Variants in RNPEPL1 observed in about 807,000 individuals in gnomAD.
RNPEPL1 encodes aminopeptidase RNPEPL1.
RNPEPL1 carries 46 observed loss-of-function variants against 69.0 expected under a neutral mutation model. That is an observed-to-expected ratio of 0.67 (90% CI 0.53 to 0.85). The LOEUF (loss-of-function observed/expected upper bound fraction) is 0.85. Among genes scored for constraint, RNPEPL1 ranks in the 40% least tolerant of loss-of-function variants. The pLI, the probability that RNPEPL1 is intolerant of heterozygous loss-of-function variation, is 0.00. For missense variants in RNPEPL1, 869 were observed against 992.5 expected (o/e 0.88, Z 1.67); for synonymous variants, 525 against 454.1 (o/e 1.16, Z -1.98).
At chr2:240,576,788 G>A in intron 9 of RNPEPL1, 23 bp downstream of exon 9, 2 of 1,612,542 alleles carry the variant, frequency 1.2e-6, no homozygotes, top group Non-Finnish European at 8.5e-7. Context: ...AGCTGATGGG[G>A]GCGGCCCAGG....
chr2:240,570,488 C>T (rs2093018150), intron 1 of RNPEPL1, among the ~76,000 whole-genome samples: 1 of 152,232 alleles, frequency 6.6e-6, no homozygotes, highest in South Asian at 2.1e-4. Flanking sequence ...TATGTGAGCG[C>T]CATGGGGCTG....
At chr2:240,576,179 G>T (rs2953145) in intron 8 of RNPEPL1, 2 of 354,094 alleles carry the variant, frequency 5.6e-6, no homozygotes, top group Admixed American at 8.9e-5. Flanking sequence ...ATCATCTTAA[G>T]AGCCTGTTGC....
chr2:240,568,633 C>G lies in RNPEPL1; in HGVS notation c.47C>G (p.Ala16Gly). The change falls in exon 1 of 11, where the codon GCG becomes GGG. Residue 16 changes from alanine (A) to glycine (G), a missense_variant. Physicochemically the swap from Ala to Gly is moderately conservative, Grantham distance 60. Around this residue, in one of 2 missense-constraint regions of RNPEPL1, gnomAD observed 259 missense variants for 201.5 expected, o/e 1.29. Coordinates refer to ENST00000270357, the MANE Select transcript of RNPEPL1 (RefSeq NM_018226.6). The surrounding 1 kb of genome is among the most constrained non-coding windows in gnomAD (Gnocchi z 6.2). ...CCRQAPGAEA[A>G]PVRPPPEPPP... ...CGCCAGGCGCCCGGCGCCGAGGCCG[C>G]GCCCGTCCGCCCGCCGCCCGAGCCG... 5.0e-6 allele frequency: 5 copies of G among 1,001,636 alleles called. No homozygotes were observed. Among genetic ancestry groups the G allele is most frequent in the Non-Finnish European group, 5.9e-6 (5 of 843,622 alleles). The allele number at this position is 1,001,636 out of a possible 1,614,324, so 62.0% of individuals were successfully genotyped here. A position where few individuals can be genotyped will look rare whatever the true frequency, so the allele number is the denominator to read the frequency against.
rs770293862 is a variant in RNPEPL1 at position 240,577,903 on chromosome 2, G to A, written c.*11G>A. ...AATGTGTCTGCCTAGCCCTGTTGGC[G>A]GGCTGACCCTCGACCTCCCAGACAC... is the stretch of plus-strand genomic sequence containing the variant. On this transcript the variant is annotated 3_prime_UTR_variant, in exon 11 of 11. Transcript: ENST00000270357. 26 of 1,479,770 alleles carry A rather than the reference G, an allele frequency of 1.8e-5. No homozygotes were observed. The highest frequency in any genetic ancestry group is 9.8e-5 in the South Asian group (7 of 71,752). The allele number at this position is 1,479,770 out of a possible 1,614,324, so 91.7% of individuals were successfully genotyped here. A position where few individuals can be genotyped will look rare whatever the true frequency, so the allele number is the denominator to read the frequency against.
rs1192032714 is a variant in RNPEPL1, at chr2:240,568,985, T to C, written c.399T>C (p.Cys133=). 2 of 1,478,370 alleles carry C rather than the reference T, an allele frequency of 1.4e-6. No homozygotes were observed. Among genetic ancestry groups the C allele is most frequent in the Non-Finnish European group, 1.8e-6 (2 of 1,120,164 alleles). 91.6% of individuals were successfully genotyped at this position (1,478,370 alleles called of 1,614,324 possible). Residue 133 remains cysteine, a synonymous_variant, in exon 1 of 11, where the codon TGT becomes TGC. Transcript: ENST00000270357. The surrounding 1 kb of genome is among the most constrained non-coding windows in gnomAD (Gnocchi z 6.2). ...PEAPGSEPAC[C]PLAFRVDPFT... Reference sequence around the variant, plus strand: ...CGCCCGGCTCCGAGCCCGCCTGCTGTCCGCTGGCCTTCAGGGTGGACCCGT... The same window carrying C: ...CGCCCGGCTCCGAGCCCGCCTGCTGCCCGCTGGCCTTCAGGGTGGACCCGT...
At position 240,572,534 on chromosome 2, in the gene RNPEPL1, G is replaced by T; in HGVS notation, c.640G>T (p.Val214Leu). The T allele has an allele frequency of 6.5e-7, 1 of 1,536,256 alleles. No individual in the cohort carries two copies. The highest frequency in any genetic ancestry group is 8.7e-7 in the Non-Finnish European group (1 of 1,146,864). Residue 214 changes from valine to leucine, a missense_variant, in exon 2 of 11, where the codon GTG becomes TTG. Physicochemically the swap from Val to Leu is conservative, Grantham distance 32. Around this residue, in one of 2 missense-constraint regions of RNPEPL1, gnomAD observed 610 missense variants for 790.9 expected, o/e 0.77. Transcript: ENST00000270357. ...CTTCCCGTGCTTCGACACACCTGCC[G>T]TGAAGTGCACCTACTCTGCCGTCGT... Reference protein sequence around the residue: ...SFFPCFDTPAVKCTYSAVVKA... With the variant: ...SFFPCFDTPALKCTYSAVVKA...
chr2:240,574,144 C>A lies in RNPEPL1; in HGVS notation c.970C>A (p.Pro324Thr). 6.2e-7 allele frequency: 1 copy of A among 1,613,312 alleles called. No individual in the cohort carries two copies. Among genetic ancestry groups the A allele is most frequent in the Non-Finnish European group, 8.5e-7 (1 of 1,179,866 alleles). The change falls in exon 5 of 11, where the codon CCC becomes ACC. Residue 324 changes from proline to threonine, a missense_variant. Coordinates refer to ENST00000270357, the MANE Select transcript of RNPEPL1 (RefSeq NM_018226.6). The stretch of plus-strand genomic sequence containing the variant: ...CATTGTCTTCCTGCCACCCTCCTTC[C>A]CCATCGTGGCCATGGAGAACCCCTG... ...YDIVFLPPSF[P>T]IVAMENPCLT...
At chr2:240,573,973 C>T (rs924305146) in intron 4 of RNPEPL1, 82 bp downstream of exon 4, 1 of 1,395,756 alleles carries the variant, frequency 7.2e-7, no homozygotes, top group African/African-American at 1.4e-5. Context: ...CTGGGGTGTC[C>T]TGTCCCCATC....
At position 240,574,333 on chromosome 2, in the gene RNPEPL1, A is replaced by G; in HGVS notation, c.1159A>G (p.Thr387Ala). The G allele has an allele frequency of 6.3e-7, 1 of 1,597,694 alleles. No homozygotes were observed. Among genetic ancestry groups the G allele is most frequent in the Non-Finnish European group, 8.5e-7 (1 of 1,178,098 alleles). The change falls in exon 5 of 11, where the codon ACC (threonine) becomes GCC (alanine). Residue 387 changes from threonine to alanine, a missense_variant. By Grantham distance (58) the Thr-to-Ala change is moderately conservative. Transcript: ENST00000270357. ...GGCCACCTATGCCCAGCGCCGTATC[A>G]CCACCGAGACCTACGGTGCGGCCAG... ...GLATYAQRRI[T>A]TETYGAAFTC...
intron 4 of RNPEPL1, 73 bp downstream of exon 4, chr2:240,573,964 T>TG: frequency 7.0e-7 from 1 of 1,427,452 alleles, no homozygotes; most frequent in Non-Finnish European, 9.6e-7. Context: ...GTCTGACCCC[T>TG]GGGGTGTCCT....
In RNPEPL1 at chr2:240,581,211, A is replaced by G. The variant is rs2093051233; in HGVS notation, c.*3319A>G. On this transcript the variant is annotated 3_prime_UTR_variant, in exon 11 of 11. Transcript: ENST00000270357. ...AAAAATCAGAAAAGGACTTTAGAAC[A>G]CATATAATCAAAATCTCAGACCTAA... The G allele has an allele frequency of 6.6e-6, 1 of 152,278 alleles. No homozygotes were observed. Among genetic ancestry groups the G allele is most frequent in the Non-Finnish European group, 1.5e-5 (1 of 68,050 alleles). The allele number at this position is 152,278 out of a possible 1,614,324, so 9.4% of individuals were successfully genotyped here.
In RNPEPL1 at chr2:240,577,587, C is replaced by G; in HGVS notation, c.1885-12C>G. 6.5e-7 allele frequency: 1 copy of G among 1,545,512 alleles called. No individual in the cohort carries two copies. The highest frequency in any genetic ancestry group is 8.8e-7 in the Non-Finnish European group (1 of 1,137,244). On this transcript the variant is annotated splice_polypyrimidine_tract_variant and intron_variant, in intron 10 of 10. Coordinates refer to ENST00000270357, the MANE Select transcript of RNPEPL1 (RefSeq NM_018226.6). ...GGGAGCCCACCAGTGTGACCGAGTG[C>G]CCCTCCTGCAGATGTCACGCATGTA...
chr2:240,575,114 A>C lies in RNPEPL1; in HGVS notation c.1373A>C (p.Asp458Ala). The change falls in exon 7 of 11, where the codon GAC (aspartate) becomes GCC (alanine). Residue 458 changes from aspartate (D) to alanine (A), a missense_variant. Coordinates refer to ENST00000270357, the MANE Select transcript of RNPEPL1 (RefSeq NM_018226.6). ...TACTACCTGTCCCAGCTCTGCGGAG[A>C]CCCACAGCGCTTTGATGACTTTCTC... ...FVYYLSQLCG[D>A]PQRFDDFLRA... is the part of the protein sequence containing the mutation. The C allele has an allele frequency of 6.2e-7, 1 of 1,613,546 alleles. No homozygotes were observed. Among genetic ancestry groups the C allele is most frequent in the Non-Finnish European group, 8.5e-7 (1 of 1,179,872 alleles).
Position 240,576,684 on chromosome 2 carries a change from G to A in RNPEPL1, c.1660G>A (p.Ala554Thr), listed in dbSNP as rs751018272. ...GGACCAGGCAGCTGCCTCGGCCAGC[G>A]CCATTGACATCTCCAAGTGGAGGAC... ...PLDQAAASAS[A>T]IDISKWRTFQ... The change falls in exon 9 of 11, where the codon GCC (alanine) becomes ACC (threonine). Residue 554 changes from alanine (A) to threonine (T), a missense_variant. Ala to Thr is a moderately conservative substitution (Grantham distance 58). This residue lies in a region of RNPEPL1 where 610 missense variants were observed against 790.9 expected (regional missense o/e 0.77). Coordinates refer to ENST00000270357, the MANE Select transcript of RNPEPL1 (RefSeq NM_018226.6). The A allele has an allele frequency of 1.9e-6, 3 of 1,612,888 alleles. No homozygotes were observed. Among genetic ancestry groups the A allele is most frequent in the Admixed American group, 1.7e-5 (1 of 60,010 alleles).
rs2093013431 is a variant in RNPEPL1 at position 240,569,039 on chromosome 2, C to T, written c.453C>T (p.Val151=). ...CCGACTACGGCTCCTCGCTCACCGT[C>T]ACGCTGCCGCCCGAGCTGCAGGCGC... The part of the protein sequence containing the change: ...PFTDYGSSLT[V]TLPPELQAHQ... Residue 151 remains valine (V), a synonymous_variant, in exon 1 of 11, where the codon GTC becomes GTT. Coordinates refer to ENST00000270357, the MANE Select transcript of RNPEPL1 (RefSeq NM_018226.6). 1.7e-5 allele frequency: 25 copies of T among 1,511,698 alleles called. No homozygotes were observed. The highest frequency in any genetic ancestry group is 2.0e-5 in the Non-Finnish European group (23 of 1,137,452). The allele number at this position is 1,511,698 out of a possible 1,614,324, so 93.6% of individuals were successfully genotyped here.
intron 3 of RNPEPL1, 62 bp downstream of exon 3, chr2:240,573,323 G>A (rs1270671878): frequency 6.7e-6 from 10 of 1,493,134 alleles, no homozygotes; most frequent in African/African-American, 1.4e-5. Flanking sequence ...CCCACCGGGG[G>A]TCTGTGGCCT....
At position 240,572,566 on chromosome 2, in the gene RNPEPL1, C is replaced by A; in HGVS notation, c.669+3C>A. The stretch of plus-strand genomic sequence containing the variant: ...GCACCTACTCTGCCGTCGTCAAGGT[C>A]AGGGGCCGCCAGCTGCCGTCACCTT... On this transcript the variant is annotated splice_donor_region_variant and intron_variant, in intron 2 of 10. Transcript: ENST00000270357. 2 of 1,536,016 alleles carry A rather than the reference C, an allele frequency of 1.3e-6. No homozygotes were observed. Among genetic ancestry groups the A allele is most frequent in the South Asian group, 2.4e-5 (2 of 84,028 alleles).
intron 10 of RNPEPL1, among the ~76,000 whole-genome samples, 189 bp downstream of exon 10, chr2:240,577,179 C>G (rs2093040265): frequency 6.6e-6 from 1 of 152,236 alleles, no homozygotes; most frequent in Non-Finnish European, 1.5e-5. Context: ...GCAGCCTGGA[C>G]TCCACCAGTT....
Position 240,577,974 on chromosome 2 carries a change from G to T in RNPEPL1, c.*82G>T. The T allele has an allele frequency of 7.4e-7, 1 of 1,350,948 alleles. No individual in the cohort carries two copies. The highest frequency in any genetic ancestry group is 9.7e-7 in the Non-Finnish European group (1 of 1,025,854). 83.7% of individuals were successfully genotyped at this position (1,350,948 alleles called of 1,614,324 possible). ...GCCAGGCCTGCCATGACTGCGTCTC[G>T]GCTCTGGCCATGAGCTCTGCCCAGG... is the stretch of plus-strand genomic sequence containing the variant. On this transcript the variant is annotated 3_prime_UTR_variant, in exon 11 of 11. Coordinates refer to ENST00000270357, the MANE Select transcript of RNPEPL1 (RefSeq NM_018226.6).
Sources: gnomAD v4.1 joint callset for allele counts (sites outside exome capture counted in the v4.1 genomes callset) on GRCh38, gnomAD v4.1.1 for gene constraint, gnomAD v4.1.1 regional missense constraint, Gnocchi (gnomAD v3.1) non-coding constraint, MANE v1.5 for transcripts, NCBI Gene and HGNC (gene_info 2026-07-23, HGNC 2026-07-21) for gene names.